The following TP73 variants were observed in gnomAD, a reference collection of about 807,000 sequenced individuals.
TP73 encodes p53-like transcription factor.
Under a neutral mutation model 62.5 loss-of-function variants are expected in TP73, and 25 were observed. The ratio of observed to expected loss-of-function variants is 0.40; its 90% CI spans 0.29 to 0.56. The LOEUF (loss-of-function observed/expected upper bound fraction) is 0.56, where lower values mean the gene tolerates loss of function less well. Ranked by LOEUF, TP73 falls within the 20% of genes least tolerant of loss-of-function variation. The probability of loss-of-function intolerance (pLI) is 0.46; values close to 1 mark genes in which losing one functional copy is unlikely to be tolerated. For missense variants in TP73, 754 were observed against 913.3 expected (o/e 0.83, Z 2.25); for synonymous variants, 423 against 377.5 (o/e 1.12, Z -1.40).
Position 3,662,152 on chromosome 1 carries a change from C to T in TP73, c.-34+9511C>T, listed in dbSNP as rs1230740534. The T allele has an allele frequency of 6.6e-6, 1 of 152,222 alleles. No homozygotes were observed. The highest frequency in any genetic ancestry group is 1.5e-5 in the Non-Finnish European group (1 of 68,054). The allele number at this position is 152,222 out of a possible 1,614,324, so 9.4% of individuals were successfully genotyped here. On this transcript the variant is annotated intron_variant, in intron 1 of 13. Transcript: ENST00000378295. The surrounding 1 kb of genome is among the most constrained non-coding windows in gnomAD (Gnocchi z 4.4). The stretch of plus-strand genomic sequence containing the variant: ...AGCCCCTGAAGGTGGAGACCAGGCA[C>T]CTGCTGGAGCAGGAACTCTTCCTTC...
intron 1 of TP73, among the ~76,000 whole-genome samples, chr1:3,657,616 G>C (rs1014861649): frequency 6.6e-6 from 1 of 152,158 alleles, no homozygotes; most frequent in Admixed American, 6.5e-5. Context: ...ACATTCTCCC[G>C]GACAAGGCGT....
chr1:3,726,291 GATGGATGGATGGATGGA>G (rs372516965), intron 6 of TP73, among the ~76,000 whole-genome samples: 3 of 29,840 alleles, frequency 1.0e-4, no homozygotes, highest in Non-Finnish European at 4.3e-4. Flanking sequence ...TGGGTGGGTG[GATGGATGGATGGATGGA>G]GTGGGTGGAT....
chr1:3,692,819 C>T (rs1416722860), intron 3 of TP73, among the ~76,000 whole-genome samples: 2 of 151,902 alleles, frequency 1.3e-5, no homozygotes, highest in South Asian at 2.1e-4. Context: ...TATGTGGTTG[C>T]GCAGACGCCA....
chr1:3,700,137 G>A (rs1408450342), intron 3 of TP73, among the ~76,000 whole-genome samples: 3 of 148,732 alleles, frequency 2.0e-5, no homozygotes, highest in East Asian at 2.1e-4. Flanking sequence ...TTTGTGCCCC[G>A]CCCTCCCCAC....
Position 3,722,129 on chromosome 1 carries a change from G to C in TP73, c.538G>C (p.Val180Leu), listed in dbSNP as rs745902034. The C allele has an allele frequency of 6.2e-7, 1 of 1,612,878 alleles. No individual in the cohort carries two copies. Among genetic ancestry groups the C allele is most frequent in the East Asian group, 2.2e-5 (1 of 44,874 alleles). ...AGGCACCGCCATCCGGGCCATGCCT[G>C]TTTACAAGAAAGCGGAGCACGTGAC... is the stretch of plus-strand genomic sequence containing the variant. ...PPGTAIRAMP[V>L]YKKAEHVTDV... The change falls in exon 5 of 14, where the codon GTT becomes CTT. Residue 180 changes from valine (V) to leucine (L), a missense_variant. By Grantham distance (32) the Val-to-Leu change is conservative. Around this residue, in one of 3 missense-constraint regions of TP73, gnomAD observed 235 missense variants for 251.4 expected, o/e 0.93. Transcript: ENST00000378295.
At chr1:3,683,806 A>C (rs571226893) in intron 3 of TP73, among the ~76,000 whole-genome samples, 2 of 152,250 alleles carry the variant, frequency 1.3e-5, no homozygotes, top group Admixed American at 1.3e-4. Context: ...GGCCTCCACC[A>C]TCAGTGGAAC....
intron 1 of TP73, among the ~76,000 whole-genome samples, chr1:3,679,265 C>T (rs1011695940): frequency 1.3e-5 from 2 of 152,200 alleles, no homozygotes; most frequent in Non-Finnish European, 1.5e-5. Flanking sequence ...ATGTCCCAGG[C>T]ATAAGATCAC....
chr1:3,706,972 T>C (rs1486724327), intron 3 of TP73, among the ~76,000 whole-genome samples: 1 of 149,008 alleles, frequency 6.7e-6, no homozygotes, highest in Non-Finnish European at 1.5e-5. Flanking sequence ...ACTGGGAAAA[T>C]TGGGCTCAGC....
intron 9 of TP73, among the ~76,000 whole-genome samples, chr1:3,728,801 C>T (rs1367014815): frequency 1.3e-5 from 2 of 152,234 alleles, no homozygotes; most frequent in South Asian, 2.1e-4. Context: ...ATGGTGAGAA[C>T]CCATCTCTAC....
intron 12 of TP73, 143 bp downstream of exon 12, chr1:3,731,208 G>A: frequency 8.0e-7 from 1 of 1,249,082 alleles, no homozygotes; most frequent in Non-Finnish European, 1.1e-6. Context: ...GGGGCAGTCA[G>A]GCCAGGAGCA....
intron 5 of TP73, 55 bp downstream of exon 5, chr1:3,722,262 A>G: frequency 6.3e-7 from 1 of 1,593,630 alleles, no homozygotes; most frequent in Non-Finnish European, 8.6e-7. Flanking sequence ...CATCCCGGAC[A>G]GCACAGCCGG....
chr1:3,732,692 C>CCCCTGCTCT (rs1442549787), intron 13 of TP73, 55 bp from the exon 14 acceptor site: 6 of 1,483,918 alleles, frequency 4.0e-6, no homozygotes, highest in Non-Finnish European at 5.4e-6. Context: ...AGGGCGACCC[C>CCCCTGCTCT]CCCTGCTCTC....
intron 3 of TP73, chr1:3,690,578 G>A: frequency 8.4e-7 from 1 of 1,191,356 alleles, no homozygotes; most frequent in Non-Finnish European, 1.1e-6. Flanking sequence ...CCTCCTTGGT[G>A]CGGTCCAACA....
At position 3,695,825 on chromosome 1, in the gene TP73, G is replaced by A. The variant is rs530458923; in HGVS notation, c.187-11724G>A. On this transcript the variant is annotated intron_variant, in intron 3 of 13. Coordinates refer to ENST00000378295, the MANE Select transcript of TP73 (RefSeq NM_005427.4). ...GGGGGCAGGGCCAAGGCCAGGAGCC[G>A]CCTGCAGGCTGGGACGATCCAGGGA... 5.4e-4 allele frequency among the ~76,000 whole-genome samples: 83 copies of A among 152,380 alleles called. No individual in the cohort carries two copies. The South Asian group carries it at 0.015, about 28-fold the overall frequency.
At chr1:3,658,049 A>G (rs1644904105) in intron 1 of TP73, among the ~76,000 whole-genome samples, 1 of 152,216 alleles carries the variant, frequency 6.6e-6, no homozygotes, top group Non-Finnish European at 1.5e-5. Context: ...GGAGTTGGAC[A>G]GAGAGGAGAC....
At chr1:3,698,067 A>G in intron 3 of TP73, 1 of 985,610 alleles carries the variant, frequency 1.0e-6, no homozygotes, top group Non-Finnish European at 1.2e-6. Flanking sequence ...GAAGGTGTCC[A>G]GGAAGCCCTG....
chr1:3,729,967 T>C (rs1570647055), intron 10 of TP73, 33 bp from the exon 11 acceptor site: 2 of 1,556,880 alleles, frequency 1.3e-6, no homozygotes, highest in East Asian at 2.3e-5. Flanking sequence ...GCTGCCTTGC[T>C]TCCCACCCAT....
intron 3 of TP73, among the ~76,000 whole-genome samples, chr1:3,703,655 G>A (rs780395437): frequency 5.9e-5 from 9 of 152,252 alleles, no homozygotes; most frequent in Admixed American, 2.0e-4. Context: ...ACACGTTGTC[G>A]TGGGTCTGCA....
intron 1 of TP73, chr1:3,659,326 G>A (rs1051762654): frequency 6.6e-6 from 1 of 152,210 alleles, no homozygotes; most frequent in Non-Finnish European, 1.5e-5. Flanking sequence ...GCAGCAACAG[G>A]CGTGAGGGTC....
Sources: allele counts gnomAD v4.1 joint callset (sites outside exome capture counted in the v4.1 genomes callset), GRCh38; gene constraint gnomAD v4.1.1; regional missense constraint gnomAD v4.1.1; non-coding constraint Gnocchi (gnomAD v3.1); transcripts MANE v1.5; gene names NCBI Gene and HGNC (gene_info 2026-07-23, HGNC 2026-07-21).